The following OPRM1 variants were observed in gnomAD, a reference collection of about 807,000 sequenced individuals.
The protein encoded by OPRM1 is mu-type opioid receptor.
In OPRM1, 27 loss-of-function variants were observed where a neutral mutation model predicts 31.8. The observed-to-expected ratio is 0.85, with a 90% CI of 0.63 to 1.17. OPRM1 has a LOEUF of 1.17. Ranked by LOEUF, OPRM1 falls within the 50% of genes most tolerant of loss-of-function variation. The pLI is 0.00. For missense variants in OPRM1, 536 were observed against 511.1 expected, an observed-to-expected ratio of 1.05 and a Z score of -0.47; for synonymous variants, 196 against 189.9, an observed-to-expected ratio of 1.03 and a Z score of -0.26.
intron 1 of OPRM1, among the ~76,000 whole-genome samples, chr6:154,072,523 G>A (rs557827905): frequency 5.5e-4 from 83 of 152,284 alleles, no homozygotes; most frequent in South Asian, 1.4e-3. Context: ...TCATTTTCAA[G>A]ATAGCTAATT....
At chr6:154,085,232 A>C (rs969473662) in intron 1 of OPRM1, among the ~76,000 whole-genome samples, 2 of 152,222 alleles carry the variant, frequency 1.3e-5, no homozygotes, top group Non-Finnish European at 2.9e-5. Flanking sequence ...GAAAGGAAGA[A>C]CATCTATAAA....
intron 3 of OPRM1, among the ~76,000 whole-genome samples, chr6:154,237,705 C>T (rs1266039867): frequency 3.3e-5 from 5 of 152,098 alleles, no homozygotes; most frequent in Non-Finnish European, 4.4e-5. Flanking sequence ...GATTAGAATC[C>T]AGGTGCCATT....
intron 3 of OPRM1, 140 bp downstream of exon 3, chr6:154,091,612 G>A: frequency 1.4e-6 from 2 of 1,433,776 alleles, no homozygotes; most frequent in Non-Finnish European, 1.8e-6. Flanking sequence ...TCTAGTGTTA[G>A]AGAAGAGGTT....
chr6:154,207,268 C>T (rs995776323), intron 3 of OPRM1, among the ~76,000 whole-genome samples: 7 of 152,118 alleles, frequency 4.6e-5, no homozygotes, highest in Non-Finnish European at 1.0e-4. Context: ...AATATAAACA[C>T]GAATTTTAGC....
chr6:154,079,594 A>C (rs1459817198), intron 1 of OPRM1, among the ~76,000 whole-genome samples: 1 of 152,260 alleles, frequency 6.6e-6, no homozygotes, highest in Non-Finnish European at 1.5e-5. Context: ...AAAAATAAGA[A>C]ACTAAAGCAG....
At chr6:154,169,188 C>G (rs184763294) in intron 3 of OPRM1, among the ~76,000 whole-genome samples, 1 of 152,078 alleles carries the variant, frequency 6.6e-6, no homozygotes, top group East Asian at 1.9e-4. Flanking sequence ...TGGTAAAACC[C>G]GTTGTCTACT....
At chr6:154,013,586 G>T (rs747480965) in intron 1 of OPRM1, among the ~76,000 whole-genome samples, 1 of 152,176 alleles carries the variant, frequency 6.6e-6, no homozygotes, top group Non-Finnish European at 1.5e-5. Context: ...GTTTAATAAA[G>T]CTTAGTAAAA....
At chr6:154,193,724 C>T (rs1302579936) in intron 3 of OPRM1, among the ~76,000 whole-genome samples, 1 of 152,228 alleles carries the variant, frequency 6.6e-6, no homozygotes, top group Admixed American at 6.5e-5. Context: ...AAAACAAACA[C>T]TTCGGCCTTG....
Position 154,119,597 on chromosome 6 carries a change from C to A in OPRM1, c.*876C>A. ...ATTTCTCACTGGTTTCTCCATACTG[C>A]AGGCTCCCCACATATTATTTTCTTT... On this transcript the variant is annotated 3_prime_UTR_variant, in exon 4 of 4. Coordinates refer to ENST00000330432, the MANE Select transcript of OPRM1 (RefSeq NM_000914.5). 1 of 239,670 alleles carries A rather than the reference C, an allele frequency of 4.2e-6. No individual in the cohort carries two copies. The allele number at this position is 239,670 out of a possible 1,614,324, so 14.8% of individuals were successfully genotyped here. A position where few individuals can be genotyped will look rare whatever the true frequency, so the allele number is the denominator to read the frequency against.
chr6:154,058,392 A>T (rs1783745907), intron 1 of OPRM1, among the ~76,000 whole-genome samples: 1 of 152,206 alleles, frequency 6.6e-6, no homozygotes, highest in South Asian at 2.1e-4. Context: ...TGAAGTTATA[A>T]AATTTAGCTG....
chr6:154,067,491 T>A (rs557586947), intron 1 of OPRM1, among the ~76,000 whole-genome samples: 43 of 151,988 alleles, frequency 2.8e-4, no homozygotes, highest in African/African-American at 3.8e-4. Context: ...TGATTTTTTT[T>A]AATTTTATCC....
chr6:154,012,785 T>G (rs992406648), intron 1 of OPRM1, among the ~76,000 whole-genome samples: 3 of 152,140 alleles, frequency 2.0e-5, no homozygotes, highest in African/African-American at 7.2e-5. Flanking sequence ...TTCTGGAGCC[T>G]GGGAAGTCCA....
At chr6:154,035,963 G>T (rs1779277865), upstream of OPRM1, among the ~76,000 whole-genome samples, 1 of 152,000 alleles carries the variant, frequency 6.6e-6, no homozygotes, top group Non-Finnish European at 1.5e-5. Flanking sequence ...AGATATATTT[G>T]GGATCAATAC....
chr6:154,050,321 A>G (rs1278024383), intron 1 of OPRM1, among the ~76,000 whole-genome samples: 1 of 152,222 alleles, frequency 6.6e-6, no homozygotes, highest in Non-Finnish European at 1.5e-5. Flanking sequence ...ACTGTCTACA[A>G]CAGCTAAGAT....
intron 3 of OPRM1, among the ~76,000 whole-genome samples, chr6:154,137,599 G>T (rs911994379): frequency 6.6e-6 from 1 of 152,130 alleles, no homozygotes; most frequent in African/African-American, 2.4e-5. Flanking sequence ...GAAGATTCTG[G>T]TGATATTTAC....
intron 3 of OPRM1, among the ~76,000 whole-genome samples, chr6:154,148,039 C>A (rs116774282): frequency 1.2e-3 from 189 of 152,326 alleles, no homozygotes; most frequent in African/African-American, 4.5e-3. Flanking sequence ...GCCTCACCTG[C>A]ACCTTCAAGA....
intron 3 of OPRM1, among the ~76,000 whole-genome samples, chr6:154,106,423 A>G (rs996201390): frequency 2.6e-5 from 4 of 152,264 alleles, no homozygotes; most frequent in Non-Finnish European, 5.9e-5. Context: ...AGCTGAGGGC[A>G]TGACTAACTC....
intron 3 of OPRM1, among the ~76,000 whole-genome samples, chr6:154,142,877 C>G (rs1388276191): frequency 6.6e-6 from 1 of 152,156 alleles, no homozygotes; most frequent in East Asian, 1.9e-4. Flanking sequence ...GTTTCTGCCA[C>G]TCTTCTCATT....
chr6:154,206,228 T>C (rs1275736302), intron 3 of OPRM1, among the ~76,000 whole-genome samples: 1 of 152,254 alleles, frequency 6.6e-6, no homozygotes, highest in Admixed American at 6.5e-5. Context: ...GATAGCTATG[T>C]GTATTTCTCT....
Sources: allele counts gnomAD v4.1 joint callset (sites outside exome capture counted in the v4.1 genomes callset), GRCh38; gene constraint gnomAD v4.1.1; transcripts MANE v1.5; gene names NCBI Gene and HGNC (gene_info 2026-07-23, HGNC 2026-07-21).